CADM1: variants seen among roughly 807,000 people sequenced by gnomAD.
The protein encoded by CADM1 is cell adhesion molecule 1.
Under a neutral mutation model 53.1 loss-of-function variants are expected in CADM1, and 15 were observed. The ratio of observed to expected loss-of-function variants is 0.28; its 90% confidence interval spans 0.19 to 0.44. The LOEUF is 0.44. CADM1 is among the 20% of genes least tolerant of loss of function. The pLI is 1.00. For synonymous variants in CADM1, 281 were observed against 243.0 expected, an observed-to-expected ratio of 1.16 and a Z score of -1.45; for missense variants, 434 against 611.3, an observed-to-expected ratio of 0.71 and a Z score of 3.06.
intron 1 of CADM1, among the ~76,000 whole-genome samples, chr11:115,498,755 C>T (rs540463202): frequency 2.8e-4 from 43 of 152,310 alleles, no homozygotes; most frequent in Middle Eastern, 3.4e-3. Context: ...AAATTCGGTA[C>T]ATCCAGGTGA....
intron 4 of CADM1, 131 bp from the exon 5 acceptor site, chr11:115,229,402 G>A (rs555208618): frequency 1.5e-4 from 121 of 817,716 alleles, no homozygotes; most frequent in African/African-American, 1.2e-3. Flanking sequence ...TACTTGGGAT[G>A]AGAGTAACCT....
chr11:115,308,620 G>A (rs1944450846), intron 1 of CADM1, among the ~76,000 whole-genome samples: 1 of 152,014 alleles, frequency 6.6e-6, no homozygotes, highest in East Asian at 1.9e-4. Flanking sequence ...CTCGTAGAAA[G>A]GTATAGATAT....
chr11:115,385,199 G>A (rs539636389), intron 1 of CADM1, among the ~76,000 whole-genome samples: 179 of 147,654 alleles, frequency 1.2e-3, no homozygotes, highest in Admixed American at 2.2e-3. Context: ...AAAAAAAACA[G>A]ATTTTCAATT....
intron 1 of CADM1, among the ~76,000 whole-genome samples, chr11:115,429,588 G>GAAA (rs34149068): frequency 9.5e-6 from 1 of 105,482 alleles, no homozygotes; most frequent in African/African-American, 3.8e-5. Context: ...CACAAGAGCA[G>GAAA]AAAAAAAAAA....
intron 1 of CADM1, chr11:115,256,919 A>G (rs1942807840): frequency 4.4e-6 from 2 of 455,938 alleles, no homozygotes; most frequent in Non-Finnish European, 4.4e-6. Flanking sequence ...TTCAGAGAGA[A>G]TAACATTCTG....
rs1565349512 is a variant in CADM1, at chr11:115,295,547, TA to T, written c.125-55128del. ...ATATATATATATATATATATATATA[TA>T]TAATATATATGTATATGCACATATA... On this transcript the variant is annotated intron_variant, in intron 1 of 11. Coordinates refer to ENST00000331581, the MANE Select transcript of CADM1 (RefSeq NM_001301043.2). Among the ~76,000 whole-genome samples the T allele has an allele frequency of 7.8e-3, 455 of 58,420 alleles. 16 individuals are homozygous for T. The highest frequency in any genetic ancestry group is 0.075 in the East Asian group (73 of 970). The allele number at this position is 58,420 out of a possible 152,430, so 38.3% of individuals were successfully genotyped here. A position where few individuals can be genotyped will look rare whatever the true frequency, so the allele number is the denominator to read the frequency against.
intron 9 of CADM1, among the ~76,000 whole-genome samples, chr11:115,196,584 A>G (rs537886473): frequency 8.4e-6 from 1 of 119,370 alleles, no homozygotes; most frequent in East Asian, 2.6e-4. Context: ...TAACAATGAT[A>G]GCTGATGAAC....
intron 1 of CADM1, among the ~76,000 whole-genome samples, chr11:115,372,111 T>A (rs1359079252): frequency 6.6e-6 from 1 of 152,140 alleles, no homozygotes; most frequent in African/African-American, 2.4e-5. Context: ...GTTACAGATA[T>A]CCCCTAGTAA....
intron 8 of CADM1, among the ~76,000 whole-genome samples, chr11:115,204,578 T>C (rs74196688): frequency 6.6e-6 from 1 of 152,084 alleles, no homozygotes; most frequent in Admixed American, 6.5e-5. Context: ...GCTAAGACCC[T>C]GGGGAATAGC....
chr11:115,438,433 C>G (rs1271694400), intron 1 of CADM1, among the ~76,000 whole-genome samples: 1 of 152,024 alleles, frequency 6.6e-6, no homozygotes, highest in Non-Finnish European at 1.5e-5. Flanking sequence ...ACAGGACAAG[C>G]ATTATTTTCC....
chr11:115,490,902 CAGTG>C (rs1224094848), intron 1 of CADM1, among the ~76,000 whole-genome samples: 4 of 152,106 alleles, frequency 2.6e-5, no homozygotes, highest in Non-Finnish European at 5.9e-5. Flanking sequence ...TATAGGGTGA[CAGTG>C]AGGATTAAAT....
chr11:115,378,424 A>G (rs1002493160), intron 1 of CADM1, among the ~76,000 whole-genome samples: 5 of 152,198 alleles, frequency 3.3e-5, no homozygotes, highest in Non-Finnish European at 7.4e-5. Flanking sequence ...AGAGAATGAC[A>G]GGAAAATTCA....
At chr11:115,489,343 G>A (rs1949442953) in intron 1 of CADM1, among the ~76,000 whole-genome samples, 1 of 152,152 alleles carries the variant, frequency 6.6e-6, no homozygotes, top group African/African-American at 2.4e-5. Context: ...TAAAAAAGCT[G>A]ATAATAAGAC....
chr11:115,200,749 C>T (rs894187655), intron 8 of CADM1, among the ~76,000 whole-genome samples: 5 of 152,214 alleles, frequency 3.3e-5, no homozygotes, highest in African/African-American at 1.2e-4. Flanking sequence ...CTGCCTTGGC[C>T]TCCCAAAGTG....
chr11:115,451,078 GA>G (rs1948561767), intron 1 of CADM1, among the ~76,000 whole-genome samples: 1 of 152,154 alleles, frequency 6.6e-6, no homozygotes, highest in African/African-American at 2.4e-5. Flanking sequence ...GAATAATCTG[GA>G]AATAAAAATA....
chr11:115,480,322 T>A (rs980372905), intron 1 of CADM1, among the ~76,000 whole-genome samples: 1 of 152,192 alleles, frequency 6.6e-6, no homozygotes, highest in Non-Finnish European at 1.5e-5. Context: ...GAGTGGGATT[T>A]ACTAATAATC....
At chr11:115,404,997 G>A (rs891489372) in intron 1 of CADM1, among the ~76,000 whole-genome samples, 1 of 152,170 alleles carries the variant, frequency 6.6e-6, no homozygotes, top group Admixed American at 6.5e-5. Flanking sequence ...GCAGATTTTT[G>A]TTGTTGTTAA....
chr11:115,229,291 C>A lies in CADM1; in HGVS notation c.563-20G>T. On this transcript the variant is annotated intron_variant, in intron 4 of 11. Transcript: ENST00000331581. ...ATTTGCCTGGGGAACAGAAAATGTACCAAGACACCAGAGTTGGGTGAATTT... is the reference window on the plus strand; with the variant it reads ...ATTTGCCTGGGGAACAGAAAATGTAACAAGACACCAGAGTTGGGTGAATTT... 6.2e-7 allele frequency: 1 copy of A among 1,613,658 alleles called. No homozygotes were observed. Among genetic ancestry groups the A allele is most frequent in the Admixed American group, 1.7e-5 (1 of 60,012 alleles).
intron 10 of CADM1, among the ~76,000 whole-genome samples, chr11:115,188,254 T>C (rs1002663085): frequency 6.6e-6 from 1 of 152,158 alleles, no homozygotes; most frequent in African/African-American, 2.4e-5. Flanking sequence ...CAGATGTAAT[T>C]GACAAAACAA....
Sources: gnomAD v4.1 joint callset for allele counts (sites outside exome capture counted in the v4.1 genomes callset) on GRCh38, gnomAD v4.1.1 for gene constraint, MANE v1.5 for transcripts, NCBI Gene and HGNC (gene_info 2026-07-23, HGNC 2026-07-21) for gene names.